Variants in PSD3 observed in about 807,000 individuals in gnomAD.
The protein encoded by PSD3 is pleckstrin and Sec7 domain containing 3.
PSD3 carries 49 observed loss-of-function variants against 105.5 expected under a neutral mutation model. The ratio of observed to expected loss-of-function variants is 0.46; its 90% CI spans 0.37 to 0.59. PSD3 has a LOEUF of 0.59. PSD3 is among the 20% of genes least tolerant of loss of function. The pLI is 0.00. For synonymous variants in PSD3, 557 were observed against 457.8 expected, an observed-to-expected ratio of 1.22 and a Z score of -2.77; for missense variants, 1,561 against 1,263.8, an observed-to-expected ratio of 1.24 and a Z score of -3.57.
At chr8:19,047,293 G>GT (rs1828353640) in intron 1 of PSD3, among the ~76,000 whole-genome samples, 1 of 152,150 alleles carries the variant, frequency 6.6e-6, no homozygotes. Flanking sequence ...TGGCCTCCCT[G>GT]TGGCCTCCAG....
At chr8:18,758,266 T>C (rs953459287) in intron 9 of PSD3, among the ~76,000 whole-genome samples, 11 of 151,962 alleles carry the variant, frequency 7.2e-5, no homozygotes, top group South Asian at 4.2e-4. Context: ...GAAGATCAAA[T>C]AGGGAAAAAA....
intron 11 of PSD3, among the ~76,000 whole-genome samples, chr8:18,625,373 A>G (rs1806406829): frequency 6.6e-6 from 1 of 152,072 alleles, no homozygotes; most frequent in Non-Finnish European, 1.5e-5. Context: ...ATCTTGGAAA[A>G]TGTCAACATG....
chr8:18,554,830 G>A (rs1454112821), intron 15 of PSD3, among the ~76,000 whole-genome samples: 1 of 152,078 alleles, frequency 6.6e-6, no homozygotes, highest in Admixed American at 6.6e-5. Flanking sequence ...TTTCATAGGA[G>A]GAATTTGGGC....
intron 4 of PSD3, among the ~76,000 whole-genome samples, chr8:18,849,911 CTG>C (rs1457022495): frequency 6.6e-6 from 1 of 152,246 alleles, no homozygotes; most frequent in Non-Finnish European, 1.5e-5. Flanking sequence ...CAGCCAGTGA[CTG>C]TTTCCCACCA....
At chr8:18,571,530 C>G (rs539742643) in intron 14 of PSD3, among the ~76,000 whole-genome samples, 2 of 152,320 alleles carry the variant, frequency 1.3e-5, no homozygotes, top group African/African-American at 4.8e-5. Flanking sequence ...TCCTGTACTT[C>G]TATCAAATCA....
At chr8:18,726,102 A>G (rs1003123108) in intron 9 of PSD3, among the ~76,000 whole-genome samples, 6 of 152,200 alleles carry the variant, frequency 3.9e-5, no homozygotes, top group Non-Finnish European at 7.3e-5. Context: ...CAAACACAAG[A>G]GGAGAAGATG....
intron 1 of PSD3, among the ~76,000 whole-genome samples, chr8:18,961,388 A>T (rs1459796973): frequency 6.6e-6 from 1 of 152,216 alleles, no homozygotes; most frequent in Non-Finnish European, 1.5e-5. Context: ...CAGAAGAGCC[A>T]TAAAAATAAA....
chr8:18,966,303 C>T (rs1014622871), intron 1 of PSD3, among the ~76,000 whole-genome samples: 1 of 152,170 alleles, frequency 6.6e-6, no homozygotes, highest in Non-Finnish European at 1.5e-5. Flanking sequence ...GGTGCGGTGG[C>T]TCAGGCCTGT....
chr8:18,940,309 G>A (rs1822449871), intron 1 of PSD3: 1 of 152,162 alleles, frequency 6.6e-6, no homozygotes, highest in Non-Finnish European at 1.5e-5. Context: ...AACAGAAACT[G>A]AGCAGGTTAA....
Position 18,902,021 on chromosome 8 carries a change from G to GA in PSD3, c.131-29289dup, listed in dbSNP as rs369193184. On this transcript the variant is annotated intron_variant, in intron 2 of 15. Transcript: ENST00000327040. ...TGTGCCTCAGGCAAAAAAGAAAAAA[G>GA]AAAAAAAAAGACCTTTTTGGGTGGA... 3.9e-3 allele frequency among the ~76,000 whole-genome samples: 583 copies of GA among 150,752 alleles called. 6 individuals are homozygous for GA. The highest frequency in any genetic ancestry group is 0.013 in the African/African-American group (552 of 41,182).
chr8:18,624,848 A>G (rs545206286), intron 11 of PSD3, among the ~76,000 whole-genome samples: 5 of 152,040 alleles, frequency 3.3e-5, no homozygotes, highest in Non-Finnish European at 7.4e-5. Context: ...CTTTTAGTGT[A>G]ATTATACATA....
chr8:18,807,454 C>A lies in PSD3; in HGVS notation c.1635-2556G>T, dbSNP rs141874755. Among the ~76,000 whole-genome samples, 5 of 152,346 alleles carry A rather than the reference C, an allele frequency of 3.3e-5. No homozygotes were observed. In the East Asian group the frequency reaches 9.6e-4, roughly 29 times the overall value. ...AAGAGAGAGAGTTTTTTAGACTCAA[C>A]TGTGTAAAAATGTCAACTCACACAT... On this transcript the variant is annotated intron_variant, in intron 4 of 15. Transcript: ENST00000327040.
intron 1 of PSD3, among the ~76,000 whole-genome samples, chr8:19,057,186 G>A (rs928208141): frequency 7.2e-5 from 11 of 151,950 alleles, no homozygotes; most frequent in East Asian, 1.9e-4. Flanking sequence ...TCTTCCACCC[G>A]CTGCCTCATT....
At chr8:18,953,233 T>C (rs1051035228) in intron 1 of PSD3, among the ~76,000 whole-genome samples, 8 of 152,198 alleles carry the variant, frequency 5.3e-5, no homozygotes, top group African/African-American at 1.9e-4. Flanking sequence ...ATGAGGAAAC[T>C]GATAAACTCC....
chr8:19,072,580 C>T (rs1829306695), intron 1 of PSD3, among the ~76,000 whole-genome samples: 1 of 152,130 alleles, frequency 6.6e-6, no homozygotes, highest in Non-Finnish European at 1.5e-5. Flanking sequence ...AAAATCATTT[C>T]TATTCAGACA....
At chr8:18,904,468 G>A (rs1014075768) in intron 2 of PSD3, among the ~76,000 whole-genome samples, 6 of 152,158 alleles carry the variant, frequency 3.9e-5, no homozygotes, top group African/African-American at 7.2e-5. Context: ...AAGACATGGC[G>A]TCAAGGACTA....
chr8:18,842,181 T>G (rs187295544), intron 4 of PSD3, among the ~76,000 whole-genome samples: 1 of 152,184 alleles, frequency 6.6e-6, no homozygotes, highest in Non-Finnish European at 1.5e-5. Flanking sequence ...CAACTAGCAT[T>G]TGGCCCACAG....
intron 13 of PSD3, among the ~76,000 whole-genome samples, chr8:18,574,215 C>A (rs13260474): frequency 1.3e-5 from 2 of 152,116 alleles, no homozygotes; most frequent in South Asian, 4.1e-4. Flanking sequence ...AGAAACCACA[C>A]AAACAAACCT....
intron 12 of PSD3, among the ~76,000 whole-genome samples, chr8:18,589,488 G>C (rs566804412): frequency 8.5e-5 from 13 of 152,292 alleles, no homozygotes; most frequent in African/African-American, 3.1e-4. Context: ...CTTACCTGAT[G>C]TATTCCAAAA....
Sources: allele counts gnomAD v4.1 joint callset (sites outside exome capture counted in the v4.1 genomes callset), GRCh38; gene constraint gnomAD v4.1.1; transcripts MANE v1.5; gene names NCBI Gene and HGNC (gene_info 2026-07-23, HGNC 2026-07-21).